NINL: variants seen among roughly 807,000 people sequenced by gnomAD.
The protein encoded by NINL is ninein-like protein.
A neutral mutation model predicts 160.3 loss-of-function variants in NINL; 153 were observed. The observed-to-expected ratio is 0.95, with a 90% confidence interval of 0.84 to 1.09. The LOEUF is 1.09. Ranked by LOEUF, NINL falls within the 50% of genes least tolerant of loss-of-function variation. The pLI is 0.00. For synonymous variants in NINL, 800 were observed against 734.8 expected, an observed-to-expected ratio of 1.09 and a Z score of -1.43; for missense variants, 1,829 against 1,764.0, an observed-to-expected ratio of 1.04 and a Z score of -0.66.
chr20:25,461,138 C>G (rs1255309543), intron 21 of NINL, among the ~76,000 whole-genome samples: 1 of 152,224 alleles, frequency 6.6e-6, no homozygotes, highest in Non-Finnish European at 1.5e-5. Flanking sequence ...GAGGCGTGTA[C>G]AGAGGCCAGT....
chr20:25,569,354 C>G (rs2065029596), intron 1 of NINL, among the ~76,000 whole-genome samples: 1 of 152,134 alleles, frequency 6.6e-6, no homozygotes, highest in South Asian at 2.1e-4. Context: ...TATCCTGCTG[C>G]AGGTGCATAC....
In NINL at chr20:25,496,511, C is replaced by G. The variant is rs2063755741; in HGVS notation, c.1310+152G>C. 5.5e-6 allele frequency: 5 copies of G among 907,380 alleles called. No homozygotes were observed. The East Asian group carries it at 7.6e-5, about 14-fold the overall frequency. 56.2% of individuals were successfully genotyped at this position (907,380 alleles called of 1,614,324 possible). On this transcript the variant is annotated intron_variant, in intron 10 of 23. Coordinates refer to ENST00000278886, the MANE Select transcript of NINL (RefSeq NM_025176.6). ...CTCTGCTGCTTTCTCAAGGCTGTGC[C>G]CCCTGGATTCCCCCTGACTCAGGTG... is the stretch of plus-strand genomic sequence containing the variant.
At chr20:25,464,331 C>T (rs370897692) in intron 19 of NINL, among the ~76,000 whole-genome samples, 6 of 152,122 alleles carry the variant, frequency 3.9e-5, no homozygotes, top group Admixed American at 3.3e-4. Flanking sequence ...GCAGGAGAAT[C>T]GATTGAACCC....
intron 13 of NINL, chr20:25,488,893 G>T: frequency 4.0e-6 from 1 of 249,732 alleles, no homozygotes. Flanking sequence ...CGTGTACGGG[G>T]GTCCTCCTGG....
At chr20:25,489,700 T>C (rs954039149) in intron 12 of NINL, among the ~76,000 whole-genome samples, 175 bp downstream of exon 12, 2 of 151,980 alleles carry the variant, frequency 1.3e-5, no homozygotes, top group Non-Finnish European at 2.9e-5. Context: ...GCCCCCCACA[T>C]TGTCATGCAG....
chr20:25,512,821 G>A lies in NINL; in HGVS notation c.450+13C>T. On this transcript the variant is annotated intron_variant, in intron 4 of 23. Coordinates refer to ENST00000278886, the MANE Select transcript of NINL (RefSeq NM_025176.6). Reference sequence around the variant, plus strand: ...ACACTGGGCAGCTGGGGTGGGAGAGGGGCCTGACCCACCTCCACGCTCTCC... The same window carrying A: ...ACACTGGGCAGCTGGGGTGGGAGAGAGGCCTGACCCACCTCCACGCTCTCC... 1 of 1,596,588 alleles carries A rather than the reference G, an allele frequency of 6.3e-7. No individual in the cohort carries two copies. The highest frequency in any genetic ancestry group is 8.5e-7 in the Non-Finnish European group (1 of 1,170,096).
chr20:25,465,438 G>A (rs915221039), intron 19 of NINL, among the ~76,000 whole-genome samples: 1 of 152,180 alleles, frequency 6.6e-6, no homozygotes, highest in African/African-American at 2.4e-5. Context: ...ATAACGTAGA[G>A]TGTGACTTCC....
At chr20:25,509,827 T>C (rs561281315) in intron 5 of NINL, 91 of 412,228 alleles carry the variant, frequency 2.2e-4, no homozygotes, top group Admixed American at 1.1e-3. Flanking sequence ...TGCTTTTTAA[T>C]GTCAAGGAAG....
intron 1 of NINL, among the ~76,000 whole-genome samples, chr20:25,535,915 G>A (rs2064547769): frequency 6.6e-6 from 1 of 152,146 alleles, no homozygotes; most frequent in South Asian, 2.1e-4. Context: ...ACTTTTCCAA[G>A]CACACAGATG....
chr20:25,494,144 A>G (rs2063700236), intron 10 of NINL, among the ~76,000 whole-genome samples: 1 of 132,972 alleles, frequency 7.5e-6, no homozygotes, highest in Non-Finnish European at 1.6e-5. Context: ...CAGGCCCCAC[A>G]CACACTCACA....
chr20:25,562,747 C>T (rs1221261440), intron 1 of NINL, among the ~76,000 whole-genome samples: 9 of 149,544 alleles, frequency 6.0e-5, no homozygotes, highest in Non-Finnish European at 1.0e-4. Flanking sequence ...TCCCCCTCTG[C>T]GAGAAACACC....
intron 17 of NINL, among the ~76,000 whole-genome samples, chr20:25,471,749 G>C (rs429120): frequency 1.3e-5 from 2 of 152,276 alleles, no homozygotes; most frequent in South Asian, 4.1e-4. Context: ...CACCAGACAG[G>C]GCCCTGGAAG....
chr20:25,556,540 A>G (rs190439077), intron 1 of NINL, among the ~76,000 whole-genome samples: 34 of 152,206 alleles, frequency 2.2e-4, no homozygotes, highest in East Asian at 2.1e-3. Flanking sequence ...TGGGAGGATC[A>G]CTTGAGTCTG....
At chr20:25,480,072 G>A (rs913736035) in intron 15 of NINL, 89 bp downstream of exon 15, 4 of 897,776 alleles carry the variant, frequency 4.5e-6, no homozygotes, top group African/African-American at 1.6e-5. Context: ...CAGGGCAGAC[G>A]CATGTGGAAA....
At chr20:25,532,188 C>G (rs1018577749) in intron 1 of NINL, among the ~76,000 whole-genome samples, 4 of 152,332 alleles carry the variant, frequency 2.6e-5, no homozygotes, top group African/African-American at 9.6e-5. Flanking sequence ...CCCTGCCACT[C>G]ACAGCAGCTG....
chr20:25,459,358 TG>T (rs1358993737), intron 21 of NINL, among the ~76,000 whole-genome samples: 1 of 151,844 alleles, frequency 6.6e-6, no homozygotes, highest in South Asian at 2.1e-4. Context: ...GGGCCTGTCT[TG>T]GGGGGGCCAG....
At chr20:25,464,791 A>G (rs1208929894) in intron 19 of NINL, among the ~76,000 whole-genome samples, 1 of 152,140 alleles carries the variant, frequency 6.6e-6, no homozygotes, top group Non-Finnish European at 1.5e-5. Context: ...CAAATGTGGA[A>G]TGTCTCCTCA....
At chr20:25,482,167 C>T in intron 13 of NINL, 67 bp from the exon 14 acceptor site, 2 of 1,547,340 alleles carry the variant, frequency 1.3e-6, no homozygotes, top group Non-Finnish European at 8.7e-7. Flanking sequence ...GCTGGCCGAG[C>T]TGGCCTCCAG....
At chr20:25,494,045 C>T (rs2063696870) in intron 10 of NINL, among the ~76,000 whole-genome samples, 1 of 151,990 alleles carries the variant, frequency 6.6e-6, no homozygotes, top group Non-Finnish European at 1.5e-5. Context: ...TCCAGGGGGC[C>T]CACAGGCCGC....
Sources: allele counts gnomAD v4.1 joint callset (sites outside exome capture counted in the v4.1 genomes callset), GRCh38; gene constraint gnomAD v4.1.1; transcripts MANE v1.5; gene names NCBI Gene and HGNC (gene_info 2026-07-23, HGNC 2026-07-21).